The following POM121 variants were observed in gnomAD, a reference collection of about 807,000 sequenced individuals.
POM121 encodes the protein POM121 transmembrane nucleoporin.
In POM121, 32 loss-of-function variants were observed where a neutral mutation model predicts 81.3. The ratio of observed to expected loss-of-function variants is 0.39; its 90% CI spans 0.30 to 0.53. The LOEUF (loss-of-function observed/expected upper bound fraction) is 0.53, where lower values mean the gene tolerates loss of function less well. Ranked by LOEUF, POM121 falls within the 20% of genes least tolerant of loss-of-function variation. The probability of loss-of-function intolerance (pLI) is 0.66; values close to 1 mark genes in which losing one functional copy is unlikely to be tolerated. For synonymous variants in POM121, 514 were observed against 694.2 expected (o/e 0.74, Z 4.08); for missense variants, 1,138 against 1,614.6 (o/e 0.70, Z 5.06).
intron 3 of POM121, 134 bp downstream of exon 3, chr7:72,927,097 TG>T: frequency 7.1e-7 from 1 of 1,401,424 alleles, no homozygotes; most frequent in Non-Finnish European, 9.9e-7. Flanking sequence ...TTGGCTTACA[TG>T]GAGGAATCTA....
chr7:72,883,589 G>T (rs1364576157), intron 1 of POM121, among the ~76,000 whole-genome samples: 1 of 151,988 alleles, frequency 6.6e-6, no homozygotes, highest in Non-Finnish European at 1.5e-5. Context: ...AAGAAACTGG[G>T]TTGGTTATCC....
At chr7:72,892,278 A>C (rs1479647406) in intron 3 of POM121, among the ~76,000 whole-genome samples, 7 of 152,148 alleles carry the variant, frequency 4.6e-5, no homozygotes, top group African/African-American at 1.4e-4. Flanking sequence ...CTTTTAACCT[A>C]GTTGAATATT....
rs1208392457 is a variant in POM121, at chr7:72,925,732, C to T, written c.611C>T (p.Pro204Leu). The T allele has an allele frequency of 2.3e-5, 30 of 1,311,200 alleles. No homozygotes were observed. The highest frequency in any genetic ancestry group is 2.9e-5 in the Non-Finnish European group (30 of 1,027,998). 81.2% of individuals were successfully genotyped at this position (1,311,200 alleles called of 1,614,324 possible). A position where few individuals can be genotyped will look rare whatever the true frequency, so the allele number is the denominator to read the frequency against. Reference sequence around the variant, plus strand: ...CACGTTTACCCCTCTCTGCCCACTCCTCTTCTCCGACCCTCCAGGAGGCCT... The same window carrying T: ...CACGTTTACCCCTCTCTGCCCACTCTTCTTCTCCGACCCTCCAGGAGGCCT... ...AHHVYPSLPT[P>L]LLRPSRRPSP... The change falls in exon 1 of 13, where the codon CCT becomes CTT. Residue 204 changes from proline to leucine, a missense_variant. Physicochemically the swap from Pro to Leu is moderately conservative, Grantham distance 98. Around this residue, in one of 7 missense-constraint regions of POM121, gnomAD observed 646 missense variants for 633.5 expected, o/e 1.02. Coordinates refer to ENST00000434423, the MANE Select transcript of POM121 (RefSeq NM_001387691.1).
At chr7:72,923,775 A>T (rs1554496470), upstream of POM121, among the ~76,000 whole-genome samples, 3 of 146,738 alleles carry the variant, frequency 2.0e-5, no homozygotes, top group Admixed American at 6.8e-5. Context: ...AATTTTTTGT[A>T]TTTTTAGTAG....
intron 12 of POM121, 106 bp downstream of exon 12, chr7:72,945,814 C>G: frequency 6.8e-7 from 1 of 1,478,728 alleles, no homozygotes; most frequent in East Asian, 2.5e-5. Context: ...AGGTTCAGCA[C>G]AGGAAAGACA....
At chr7:72,943,892 T>C (rs1441862251) in intron 11 of POM121, among the ~76,000 whole-genome samples, 2 of 152,166 alleles carry the variant, frequency 1.3e-5, no homozygotes, top group Admixed American at 6.5e-5. Context: ...ACCAAAAAAT[T>C]AGCCGGGCGT....
intron 4 of POM121, among the ~76,000 whole-genome samples, chr7:72,928,750 G>A (rs1422759578): frequency 6.6e-6 from 1 of 152,210 alleles, no homozygotes; most frequent in Non-Finnish European, 1.5e-5. Context: ...CAAAGTTTGT[G>A]CAGTGGATAA....
At chr7:72,941,183 G>A (rs1427434452) in intron 10 of POM121, among the ~76,000 whole-genome samples, 190 bp downstream of exon 10, 1 of 150,610 alleles carries the variant, frequency 6.6e-6, no homozygotes, top group Admixed American at 6.6e-5. Context: ...GAGAAGGGGT[G>A]CTGCGACGCT....
intron 1 of POM121, among the ~76,000 whole-genome samples, chr7:72,889,195 CTT>C (rs1162238012): frequency 4.6e-5 from 7 of 152,220 alleles, no homozygotes; most frequent in East Asian, 3.8e-4. Flanking sequence ...ATTACTCTCT[CTT>C]GGTGATTTTA....
In POM121 at chr7:72,943,012, C is replaced by T. The variant is rs781921337; in HGVS notation, c.3019C>T (p.Pro1007Ser). The change falls in exon 11 of 13, where the codon CCC becomes TCC. Residue 1007 changes from proline (P) to serine (S), a missense_variant. Physicochemically the swap from Pro to Ser is moderately conservative, Grantham distance 74. Coordinates refer to ENST00000434423, the MANE Select transcript of POM121 (RefSeq NM_001387691.1). ...FGNSAAPAAAPTPAPPSMIKV... is the reference protein window; with the variant it reads ...FGNSAAPAAASTPAPPSMIKV... ...AAACTCTGCAGCCCCGGCTGCTGCA[C>T]CCACACCTGCACCTCCGTCCATGAT... 1.1e-5 allele frequency: 17 copies of T among 1,613,652 alleles called. No homozygotes were observed. In the East Asian group the frequency reaches 3.1e-4, roughly 30 times the overall value.
At chr7:72,886,273 A>C (rs1554490041) in intron 1 of POM121, among the ~76,000 whole-genome samples, 2 of 152,034 alleles carry the variant, frequency 1.3e-5, no homozygotes, top group African/African-American at 4.8e-5. Flanking sequence ...TCCCTGGTTC[A>C]AGTGATTCTC....
intron 3 of POM121, among the ~76,000 whole-genome samples, 181 bp downstream of exon 3, chr7:72,927,144 C>G (rs781843820): frequency 6.6e-6 from 1 of 152,190 alleles, no homozygotes; most frequent in Non-Finnish European, 1.5e-5. Flanking sequence ...TTTCAAGGCA[C>G]AGGTTAGATC....
chr7:72,905,809 G>A (rs189705326), intron 3 of POM121, among the ~76,000 whole-genome samples: 10 of 152,350 alleles, frequency 6.6e-5, no homozygotes, highest in African/African-American at 2.4e-4. Context: ...GTAAATGTCA[G>A]TTAGGTTCCA....
chr7:72,930,034 G>A lies in POM121; in HGVS notation c.1198G>A (p.Ala400Thr), dbSNP rs1554498271. The change falls in exon 5 of 13, where the codon GCT becomes ACT. Residue 400 changes from alanine to threonine, a missense_variant. Physicochemically the swap from Ala to Thr is moderately conservative, Grantham distance 58. Around this residue, in one of 7 missense-constraint regions of POM121, gnomAD observed 646 missense variants for 633.5 expected, o/e 1.02. Coordinates refer to ENST00000434423, the MANE Select transcript of POM121 (RefSeq NM_001387691.1). ...CTCTTCCATGAGCTCCTTGACAGGC[G>A]CTTACGCAAGTGGCATCCCTAGCTC... Reference protein sequence around the residue: ...RSSSMSSLTGAYASGIPSSSR... With the variant: ...RSSSMSSLTGTYASGIPSSSR... 6.8e-6 allele frequency: 11 copies of A among 1,613,842 alleles called. No homozygotes were observed. The highest frequency in any genetic ancestry group is 1.6e-4 in the Middle Eastern group (1 of 6,078).
At position 72,943,392 on chromosome 7, in the gene POM121, G is replaced by C. The variant is rs782121689; in HGVS notation, c.3399G>C (p.Gln1133His). 1.2e-6 allele frequency: 2 copies of C among 1,613,390 alleles called. No individual in the cohort carries two copies. Among genetic ancestry groups the C allele is most frequent in the Admixed American group, 3.3e-5 (2 of 59,998 alleles). The change falls in exon 11 of 13, where the codon CAG becomes CAC. Residue 1133 changes from glutamine (Q) to histidine (H), a missense_variant. Gln to His is a conservative substitution (Grantham distance 24, BLOSUM62 0). Transcript: ENST00000434423. ...GAGCTTTCAGCTTTGGAGCAGGACA[G>C]AGTGGGAGCACAGCCACCTCCACCC... is the stretch of plus-strand genomic sequence containing the variant. ...TTGAFSFGAG[Q>H]SGSTATSTPF... is the part of the protein sequence containing the mutation.
chr7:72,898,056 G>C (rs1792148612), intron 3 of POM121, among the ~76,000 whole-genome samples: 1 of 152,104 alleles, frequency 6.6e-6, no homozygotes, highest in South Asian at 2.1e-4. Context: ...AAGATTTGCA[G>C]ATGCTTTGCA....
chr7:72,903,347 G>A (rs1208895175), intron 3 of POM121, among the ~76,000 whole-genome samples: 1 of 152,164 alleles, frequency 6.6e-6, no homozygotes, highest in Non-Finnish European at 1.5e-5. Flanking sequence ...TAAGGAAGAG[G>A]AACTGCTTGA....
At chr7:72,945,466 A>C in intron 11 of POM121, 120 bp from the exon 12 acceptor site, 1 of 1,118,140 alleles carries the variant, frequency 8.9e-7, no homozygotes. Context: ...AGTGCCCCAG[A>C]AGCAGAAGTG....
intron 1 of POM121, among the ~76,000 whole-genome samples, chr7:72,887,283 C>T (rs1346828827): frequency 6.6e-6 from 1 of 151,868 alleles, no homozygotes; most frequent in Non-Finnish European, 1.5e-5. Flanking sequence ...TCTCTCAGTG[C>T]TCTGTGCCGG....
Sources: allele counts gnomAD v4.1 joint callset (sites outside exome capture counted in the v4.1 genomes callset), GRCh38; gene constraint gnomAD v4.1.1; regional missense constraint gnomAD v4.1.1; transcripts MANE v1.5; gene names NCBI Gene and HGNC (gene_info 2026-07-23, HGNC 2026-07-21).